Variants in TRERF1 observed in about 807,000 individuals in gnomAD.
The protein encoded by TRERF1 is transcriptional regulating factor 1, also known as transcriptional-regulating factor 1.
Under a neutral mutation model 122.9 loss-of-function variants are expected in TRERF1, and 27 were observed. The observed-to-expected ratio is 0.22, with a 90% confidence interval of 0.16 to 0.30. The LOEUF is 0.30. Ranked by LOEUF, TRERF1 falls within the 10% of genes least tolerant of loss-of-function variation. The probability of loss-of-function intolerance (pLI) is 1.00; values close to 1 mark genes in which losing one functional copy is unlikely to be tolerated. For missense variants in TRERF1, 1,248 were observed against 1,560.3 expected, an observed-to-expected ratio of 0.80 and a Z score of 3.37; for synonymous variants, 636 against 641.7, an observed-to-expected ratio of 0.99 and a Z score of 0.13.
At chr6:42,384,656 G>GT (rs1776493255) in intron 2 of TRERF1, among the ~76,000 whole-genome samples, 1 of 152,180 alleles carries the variant, frequency 6.6e-6, no homozygotes, top group South Asian at 2.1e-4. Context: ...AAGTTTCTAA[G>GT]TAACTGATCT....
At chr6:42,434,533 C>A (rs370545241) in intron 2 of TRERF1, among the ~76,000 whole-genome samples, 2 of 151,052 alleles carry the variant, frequency 1.3e-5, no homozygotes, top group Admixed American at 1.3e-4. Context: ...TAAAACAAGC[C>A]CAAATCTCCC....
chr6:42,390,866 C>A (rs79018593), intron 2 of TRERF1, among the ~76,000 whole-genome samples: 1,629 of 152,258 alleles, frequency 0.011, 21 homozygotes, highest in African/African-American at 0.036. Context: ...CACCCACAGA[C>A]CAAGAAATAC....
intron 2 of TRERF1, among the ~76,000 whole-genome samples, chr6:42,449,231 T>C: frequency 6.6e-6 from 1 of 152,250 alleles, no homozygotes; most frequent in East Asian, 1.9e-4. Flanking sequence ...GCAAAATTAA[T>C]CTTCTCATAC....
intron 2 of TRERF1, among the ~76,000 whole-genome samples, chr6:42,418,284 T>TTC (rs1554211464): frequency 6.9e-6 from 1 of 144,140 alleles, no homozygotes; most frequent in Non-Finnish European, 1.5e-5. Context: ...TTTTTTTTTT[T>TTC]CCGAGATGGA....
chr6:42,272,437 G>A (rs943358502), intron 4 of TRERF1, among the ~76,000 whole-genome samples: 1 of 152,206 alleles, frequency 6.6e-6, no homozygotes, highest in Non-Finnish European at 1.5e-5. Flanking sequence ...GAAGCAAGGA[G>A]ACTAATGAAC....
chr6:42,253,269 G>T (rs1195248429), intron 13 of TRERF1, among the ~76,000 whole-genome samples: 1 of 152,170 alleles, frequency 6.6e-6, no homozygotes, highest in Non-Finnish European at 1.5e-5. Context: ...CACAGCTAGA[G>T]CTAACCAGCC....
intron 4 of TRERF1, among the ~76,000 whole-genome samples, chr6:42,278,541 A>G (rs1197174305): frequency 2.0e-5 from 3 of 152,224 alleles, no homozygotes; most frequent in Non-Finnish European, 4.4e-5. Context: ...CTAAAGGGAA[A>G]GGTGCAACAG....
At chr6:42,374,137 T>TAA (rs373255205) in intron 2 of TRERF1, among the ~76,000 whole-genome samples, 45 of 127,420 alleles carry the variant, frequency 3.5e-4, no homozygotes, top group East Asian at 2.3e-3. Context: ...GTCTTTTTTT[T>TAA]AAAAAAAAAA....
intron 2 of TRERF1, among the ~76,000 whole-genome samples, chr6:42,421,175 T>G (rs1399048065): frequency 6.6e-6 from 1 of 152,058 alleles, no homozygotes; most frequent in African/African-American, 2.4e-5. Flanking sequence ...TTTCAATGAG[T>G]GAATGTATAG....
At chr6:42,225,720 T>A (rs1769419933) in exon 18 of TRERF1, 1 of 152,190 alleles carries the variant, frequency 6.6e-6, no homozygotes, top group Non-Finnish European at 1.5e-5. Flanking sequence ...TCCTTTTTAT[T>A]ACATTAATTT....
intron 4 of TRERF1, among the ~76,000 whole-genome samples, chr6:42,274,757 G>C (rs936186721): frequency 3.3e-5 from 5 of 152,116 alleles, no homozygotes; most frequent in Non-Finnish European, 5.9e-5. Flanking sequence ...ACCATAGGGA[G>C]ATAATGGCAA....
intron 3 of TRERF1, among the ~76,000 whole-genome samples, chr6:42,335,942 C>T (rs764772872): frequency 5.3e-5 from 8 of 152,234 alleles, no homozygotes; most frequent in Non-Finnish European, 1.0e-4. Flanking sequence ...CTTTCCACAA[C>T]GATGGGGATA....
intron 2 of TRERF1, among the ~76,000 whole-genome samples, chr6:42,437,625 C>T (rs1173337322): frequency 1.3e-5 from 2 of 152,100 alleles, no homozygotes; most frequent in Non-Finnish European, 2.9e-5. Flanking sequence ...TTGAAGGAAA[C>T]TCAAGTCATG....
At chr6:42,255,784 A>G (rs1776635418) in intron 12 of TRERF1, among the ~76,000 whole-genome samples, 1 of 152,162 alleles carries the variant, frequency 6.6e-6, no homozygotes, top group South Asian at 2.1e-4. Context: ...ATATACTACC[A>G]TGTATTTATA....
chr6:42,404,121 T>G (rs1209089311), intron 2 of TRERF1, among the ~76,000 whole-genome samples: 3 of 152,132 alleles, frequency 2.0e-5, no homozygotes, highest in African/African-American at 7.2e-5. Context: ...CTAGAATCTG[T>G]TTGCAGATGG....
chr6:42,400,647 G>A (rs1238254767), intron 2 of TRERF1, among the ~76,000 whole-genome samples: 1 of 152,124 alleles, frequency 6.6e-6, no homozygotes, highest in Non-Finnish European at 1.5e-5. Flanking sequence ...AAGCAAGGGG[G>A]CTCCACTCTA....
At position 42,228,330 on chromosome 6, in the gene TRERF1, G is replaced by C. The variant is rs945918669; in HGVS notation, c.*15C>G. On this transcript the variant is annotated 3_prime_UTR_variant, in exon 18 of 18. Transcript: ENST00000372922. The surrounding 1 kb of genome is among the most constrained non-coding windows in gnomAD (Gnocchi z 4.2). ...GGCCGTGGGTTTTCACTGTCTCTAAGTGACACACAGGGCTTTATAGTTCTG... is the reference window on the plus strand; with the variant it reads ...GGCCGTGGGTTTTCACTGTCTCTAACTGACACACAGGGCTTTATAGTTCTG... 1 of 1,591,816 alleles carries C rather than the reference G, an allele frequency of 6.3e-7. No homozygotes were observed. The highest frequency in any genetic ancestry group is 1.3e-5 in the African/African-American group (1 of 74,492).
intron 13 of TRERF1, among the ~76,000 whole-genome samples, chr6:42,249,340 A>G (rs890585094): frequency 2.0e-5 from 3 of 152,152 alleles, no homozygotes; most frequent in Non-Finnish European, 2.9e-5. Context: ...TGCAGTGGAT[A>G]TACTTTTTTC....
intron 4 of TRERF1, among the ~76,000 whole-genome samples, chr6:42,286,171 C>T (rs1209968288): frequency 1.4e-5 from 2 of 146,844 alleles, no homozygotes; most frequent in African/African-American, 5.0e-5. Context: ...AACGTTAGAC[C>T]TAAAACCATA....
Sources: gnomAD v4.1 joint callset for allele counts (sites outside exome capture counted in the v4.1 genomes callset) on GRCh38, gnomAD v4.1.1 for gene constraint, Gnocchi (gnomAD v3.1) non-coding constraint, MANE v1.5 for transcripts, NCBI Gene and HGNC (gene_info 2026-07-23, HGNC 2026-07-21) for gene names.